HSPB8: variants seen among roughly 807,000 people sequenced by gnomAD.
HSPB8 encodes heat shock protein beta-8.
HSPB8 carries 9 observed loss-of-function variants against 16.5 expected under a neutral mutation model. The observed-to-expected ratio is 0.55, with a 90% confidence interval of 0.33 to 0.95. The LOEUF (loss-of-function observed/expected upper bound fraction) is 0.95. Among genes scored for constraint, HSPB8 ranks in the 40% least tolerant of loss-of-function variants. The pLI is 0.03. For synonymous variants in HSPB8, 99 were observed against 94.8 expected (o/e 1.04, Z -0.26); for missense variants, 238 against 251.2 (o/e 0.95, Z 0.35).
At chr12:119,185,479 A>G (rs1954669886) in intron 1 of HSPB8, among the ~76,000 whole-genome samples, 1 of 152,130 alleles carries the variant, frequency 6.6e-6, no homozygotes, top group African/African-American at 2.4e-5. Flanking sequence ...GACTATAGGC[A>G]CGTGCCACCA....
intron 1 of HSPB8, among the ~76,000 whole-genome samples, chr12:119,184,161 C>A (rs754063761): frequency 7.9e-5 from 12 of 152,190 alleles, no homozygotes; most frequent in Non-Finnish European, 1.3e-4. Flanking sequence ...CACTTCCAAG[C>A]TGTGTGACCT....
chr12:119,192,679 A>G (rs1954719409), intron 2 of HSPB8, among the ~76,000 whole-genome samples: 1 of 152,164 alleles, frequency 6.6e-6, no homozygotes, highest in African/African-American at 2.4e-5. Flanking sequence ...GAAGAACAAG[A>G]TAATAATGAT....
chr12:119,189,966 A>G (rs1029301066), intron 2 of HSPB8, among the ~76,000 whole-genome samples: 2 of 152,104 alleles, frequency 1.3e-5, no homozygotes, highest in Non-Finnish European at 2.9e-5. Context: ...GTTGTTAAAT[A>G]TTTTGAATCT....
intron 1 of HSPB8, among the ~76,000 whole-genome samples, chr12:119,186,623 T>G (rs1393079523): frequency 6.6e-6 from 1 of 152,168 alleles, no homozygotes; most frequent in Non-Finnish European, 1.5e-5. Context: ...GCTTCAAGCC[T>G]GCCATCCAGT....
rs778009981 is a variant in HSPB8, at chr12:119,179,488, C to T, written c.176C>T (p.Ala59Val). Residue 59 changes from alanine (A) to valine (V), a missense_variant, in exon 1 of 3, where the codon GCC becomes GTC. Transcript: ENST00000281938. ...PDWALPRLSS[A>V]WPGTLRSGMV... Reference sequence around the variant, plus strand: ...TGGGCTCTGCCTCGTCTCTCCTCCGCCTGGCCAGGCACCCTAAGGTCGGGC... The same window carrying T: ...TGGGCTCTGCCTCGTCTCTCCTCCGTCTGGCCAGGCACCCTAAGGTCGGGC... 1 of 1,614,082 alleles carries T rather than the reference C, an allele frequency of 6.2e-7. No homozygotes were observed.
At chr12:119,189,442 G>A (rs1054598477) in intron 2 of HSPB8, among the ~76,000 whole-genome samples, 1 of 151,872 alleles carries the variant, frequency 6.6e-6, no homozygotes, top group East Asian at 1.9e-4. Flanking sequence ...CTGCTGAGCT[G>A]GGCTAGTTGT....
At chr12:119,183,375 T>C (rs1410601858) in intron 1 of HSPB8, 1 of 152,184 alleles carries the variant, frequency 6.6e-6, no homozygotes, top group Non-Finnish European at 1.5e-5. Flanking sequence ...AGACCCTGGC[T>C]AAGATAGAGA....
At chr12:119,187,740 G>A (rs756906711) in intron 2 of HSPB8, among the ~76,000 whole-genome samples, 1 of 152,262 alleles carries the variant, frequency 6.6e-6, no homozygotes, top group South Asian at 2.1e-4. Context: ...TACCCATGGG[G>A]CATAGCTGAG....
At position 119,193,735 on chromosome 12, in the gene HSPB8, C is replaced by T. The variant is rs942525822; in HGVS notation, c.468C>T (p.Ala156=). The stretch of plus-strand genomic sequence containing the variant: ...AGGTGGATCCTGTGACAGTATTTGC[C>T]TCACTTTCCCCAGAGGGTCTGCTGA... The part of the protein sequence containing the change: ...PAEVDPVTVF[A]SLSPEGLLII... The change falls in exon 3 of 3, where the codon GCC becomes GCT. Residue 156 remains alanine, a synonymous_variant. Coordinates refer to ENST00000281938, the MANE Select transcript of HSPB8 (RefSeq NM_014365.3). 10 of 1,614,168 alleles carry T rather than the reference C, an allele frequency of 6.2e-6. No homozygotes were observed. The highest frequency in any genetic ancestry group is 8.5e-6 in the Non-Finnish European group (10 of 1,180,020).
chr12:119,180,928 C>T (rs535843146), intron 1 of HSPB8, among the ~76,000 whole-genome samples: 8 of 152,262 alleles, frequency 5.3e-5, no homozygotes, highest in Non-Finnish European at 7.4e-5. Context: ...GCTGGGGCCA[C>T]GTGCTGATGA....
intron 2 of HSPB8, among the ~76,000 whole-genome samples, chr12:119,187,596 G>T (rs941801399): frequency 2.6e-5 from 4 of 152,144 alleles, no homozygotes; most frequent in African/African-American, 9.7e-5. Context: ...GGGCTCAAGC[G>T]ATCCACCCAC....
rs967983268 is a variant in HSPB8 at position 119,179,487 on chromosome 12, G to A, written c.175G>A (p.Ala59Thr). ...PDWALPRLSS[A>T]WPGTLRSGMV... ...CTGGGCTCTGCCTCGTCTCTCCTCC[G>A]CCTGGCCAGGCACCCTAAGGTCGGG... The change falls in exon 1 of 3, where the codon GCC becomes ACC. Residue 59 changes from alanine to threonine, a missense_variant. Ala to Thr is a moderately conservative substitution (Grantham distance 58). Coordinates refer to ENST00000281938, the MANE Select transcript of HSPB8 (RefSeq NM_014365.3). 11 of 1,613,820 alleles carry A rather than the reference G, an allele frequency of 6.8e-6. No individual in the cohort carries two copies. Among genetic ancestry groups the A allele is most frequent in the African/African-American group, 5.3e-5 (4 of 74,870 alleles).
intron 1 of HSPB8, chr12:119,186,686 T>G: frequency 3.0e-6 from 1 of 337,274 alleles, no homozygotes. Context: ...AGGAGTCAGG[T>G]GGGAGACTTG....
At chr12:119,193,666 C>T in intron 2 of HSPB8, 33 bp from the exon 3 acceptor site, 1 of 1,609,862 alleles carries the variant, frequency 6.2e-7, no homozygotes, top group Non-Finnish European at 8.5e-7. Context: ...ATATTAACAA[C>T]AATAAATGAA....
chr12:119,191,722 A>T (rs1190004745), intron 2 of HSPB8, among the ~76,000 whole-genome samples: 2 of 152,112 alleles, frequency 1.3e-5, no homozygotes, highest in East Asian at 3.9e-4. Flanking sequence ...GCCAGCAGGG[A>T]TCAGTGGAAA....
At chr12:119,183,707 G>A (rs1169446590) in intron 1 of HSPB8, among the ~76,000 whole-genome samples, 1 of 152,140 alleles carries the variant, frequency 6.6e-6, no homozygotes, top group Non-Finnish European at 1.5e-5. Context: ...GTAGGCAAAT[G>A]ATAAGCAAAT....
At chr12:119,193,114 A>G (rs1183699086) in intron 2 of HSPB8, among the ~76,000 whole-genome samples, 1 of 152,236 alleles carries the variant, frequency 6.6e-6, no homozygotes, top group Non-Finnish European at 1.5e-5. Flanking sequence ...TTTGAATACC[A>G]TCGAGTATGT....
At chr12:119,192,611 G>A (rs12300871) in intron 2 of HSPB8, among the ~76,000 whole-genome samples, 4,105 of 152,040 alleles carry the variant, frequency 0.027, 213 homozygotes, top group African/African-American at 0.095. Flanking sequence ...AACCAAGATC[G>A]CGCCACTGAA....
chr12:119,193,711 G>T lies in HSPB8; in HGVS notation c.444G>T (p.Glu148Asp), dbSNP rs773660512. The part of the protein sequence containing the change: ...NFTKKIQLPA[E>D]VDPVTVFASL... ...GTGTTTCTCCTAGGCTTCCTGCAGA[G>T]GTGGATCCTGTGACAGTATTTGCCT... The change falls in exon 3 of 3, where the codon GAG becomes GAT. Residue 148 changes from glutamate to aspartate, a missense_variant. Physicochemically the swap from Glu to Asp is conservative, Grantham distance 45. Coordinates refer to ENST00000281938, the MANE Select transcript of HSPB8 (RefSeq NM_014365.3). 6.2e-7 allele frequency: 1 copy of T among 1,614,208 alleles called. No homozygotes were observed. The highest frequency in any genetic ancestry group is 2.2e-5 in the East Asian group (1 of 44,892).
Sources: gnomAD v4.1 joint callset for allele counts (sites outside exome capture counted in the v4.1 genomes callset) on GRCh38, gnomAD v4.1.1 for gene constraint, MANE v1.5 for transcripts, NCBI Gene and HGNC (gene_info 2026-07-23, HGNC 2026-07-21) for gene names.